The following GOLGA3 variants were observed in gnomAD, a reference collection of about 807,000 sequenced individuals.
GOLGA3 encodes golgin subfamily A member 3.
GOLGA3 carries 75 observed loss-of-function variants against 169.4 expected under a neutral mutation model. The ratio of observed to expected loss-of-function variants is 0.44; its 90% CI spans 0.37 to 0.54. The LOEUF (loss-of-function observed/expected upper bound fraction) is 0.54, where lower values mean the gene tolerates loss of function less well. Among genes scored for constraint, GOLGA3 ranks in the 20% least tolerant of loss-of-function variants. The pLI is 0.00. For missense variants in GOLGA3, 1,899 were observed against 1,930.0 expected, an observed-to-expected ratio of 0.98 and a Z score of 0.30; for synonymous variants, 824 against 822.4, an observed-to-expected ratio of 1.00 and a Z score of -0.03.
chr12:132,781,673 G>T (rs192414532), intron 17 of GOLGA3, among the ~76,000 whole-genome samples: 1 of 152,246 alleles, frequency 6.6e-6, no homozygotes, highest in Non-Finnish European at 1.5e-5. Flanking sequence ...GCAAAATATG[G>T]AACTAAGATG....
At chr12:132,800,718 TG>T in intron 8 of GOLGA3, among the ~76,000 whole-genome samples, 1 of 152,174 alleles carries the variant, frequency 6.6e-6, no homozygotes, top group Admixed American at 6.5e-5. Flanking sequence ...CCCAACACTT[TG>T]GGAGGCTGAG....
At position 132,777,183 on chromosome 12, in the gene GOLGA3, G is replaced by C. The variant is rs72624271; in HGVS notation, c.3723-93C>G. On this transcript the variant is annotated intron_variant, in intron 19 of 23. Coordinates refer to ENST00000450791, the MANE Select transcript of GOLGA3 (RefSeq NM_001389683.1). This position sits in a 1 kb window ranked among gnomAD's most constrained non-coding sequence, Gnocchi z 4.7. ...GAAATGCTGCCTGTGGAAGGCGTTC[G>C]TCCTGGCAGGCCCTCTGCTGTGCAC... is the stretch of plus-strand genomic sequence containing the variant. The C allele has an allele frequency of 1.9e-3, 2,583 of 1,369,362 alleles. 49 individuals are homozygous for C. In the East Asian group the frequency reaches 0.05, roughly 27 times the overall value. 84.8% of individuals were successfully genotyped at this position (1,369,362 alleles called of 1,614,324 possible). A position where few individuals can be genotyped will look rare whatever the true frequency, so the allele number is the denominator to read the frequency against.
In GOLGA3 at chr12:132,815,491, T is replaced by C. The variant is rs141509506; in HGVS notation, c.406+1049A>G. On this transcript the variant is annotated intron_variant, in intron 3 of 23. Transcript: ENST00000450791. ...TTTACATGCTACTTCTCAACTTAAA[T>C]GCTGGCAGTGAGTTTTCAGAATTGT... 2.2e-3 allele frequency among the ~76,000 whole-genome samples: 331 copies of C among 152,390 alleles called. 3 individuals are homozygous for C. Among genetic ancestry groups the C allele is most frequent in the African/African-American group, 7.6e-3 (316 of 41,596 alleles).
Position 132,805,038 on chromosome 12 carries a change from C to A in GOLGA3, c.1291-16G>T, listed in dbSNP as rs1231374213. On this transcript the variant is annotated splice_polypyrimidine_tract_variant and intron_variant, in intron 6 of 23. Coordinates refer to ENST00000450791, the MANE Select transcript of GOLGA3 (RefSeq NM_001389683.1). ...CTTTAAGTGCCTGAAAAGATCCCAA[C>A]AACCACAATGATTTTAAGAAAACGA... The A allele has an allele frequency of 9.4e-6, 15 of 1,599,142 alleles. No homozygotes were observed. Among genetic ancestry groups the A allele is most frequent in the Non-Finnish European group, 1.3e-5 (15 of 1,176,064 alleles).
intron 7 of GOLGA3, among the ~76,000 whole-genome samples, chr12:132,803,774 C>T (rs997167452): frequency 6.6e-6 from 1 of 152,146 alleles, no homozygotes; most frequent in Non-Finnish European, 1.5e-5. Context: ...GGCGGACCGG[C>T]TCACATGGAG....
chr12:132,785,095 C>T (rs1593256756), intron 15 of GOLGA3, among the ~76,000 whole-genome samples: 1 of 152,306 alleles, frequency 6.6e-6, no homozygotes, highest in East Asian at 1.9e-4. Context: ...AGAAATTTGC[C>T]AAAAGTCACC....
intron 21 of GOLGA3, 83 bp downstream of exon 21, chr12:132,776,546 CACAGG>C (rs2045257065): frequency 2.0e-6 from 1 of 509,278 alleles, no homozygotes; most frequent in Non-Finnish European, 2.5e-6. Flanking sequence ...GCGCCTCACA[CACAGG>C]TACCCGCAGC....
Position 132,822,027 on chromosome 12 carries a change from C to T in GOLGA3, c.102G>A (p.Leu34=). The change falls in exon 2 of 24, where the codon CTG becomes CTA. Residue 34 remains leucine, a synonymous_variant. Transcript: ENST00000450791. ...CTTTGTCCTGCTGGTCAGGTGGCAC[C>T]AGTGGGCCCGGGGGCTTCAGTGGGG... The part of the protein sequence containing the change: ...PEAPLKPPGP[L]VPPDQQDKVQ... 2 of 1,609,798 alleles carry T rather than the reference C, an allele frequency of 1.2e-6. No homozygotes were observed. Among genetic ancestry groups the T allele is most frequent in the Non-Finnish European group, 1.7e-6 (2 of 1,178,298 alleles).
intron 4 of GOLGA3, among the ~76,000 whole-genome samples, chr12:132,810,106 G>C (rs558497605): frequency 6.6e-6 from 1 of 152,268 alleles, no homozygotes; most frequent in South Asian, 2.1e-4. Flanking sequence ...AAATGAGCCA[G>C]GCATGGTGGC....
chr12:132,815,206 T>C (rs963813922), intron 3 of GOLGA3, among the ~76,000 whole-genome samples: 1 of 152,230 alleles, frequency 6.6e-6, no homozygotes, highest in Non-Finnish European at 1.5e-5. Flanking sequence ...AGACCGTAAG[T>C]GGCAAATTCA....
At chr12:132,773,759 C>T (rs1306241780) in intron 23 of GOLGA3, among the ~76,000 whole-genome samples, 2 of 151,512 alleles carry the variant, frequency 1.3e-5, no homozygotes, top group African/African-American at 4.9e-5. Context: ...TGCGAGTCCC[C>T]CTCCCACTTT....
intron 12 of GOLGA3, among the ~76,000 whole-genome samples, chr12:132,790,566 G>T (rs2046173012): frequency 6.6e-6 from 1 of 152,058 alleles, no homozygotes; most frequent in South Asian, 2.1e-4. Context: ...ATTTTTCAAA[G>T]ACATTTTAAA....
intron 4 of GOLGA3, among the ~76,000 whole-genome samples, chr12:132,809,480 G>A (rs1202768775): frequency 2.1e-5 from 3 of 140,106 alleles, no homozygotes; most frequent in Non-Finnish European, 3.0e-5. Context: ...AGTGGGTGTT[G>A]TTCCTTGACA....
At chr12:132,815,118 GTA>G (rs1949899249) in intron 3 of GOLGA3, among the ~76,000 whole-genome samples, 1 of 152,232 alleles carries the variant, frequency 6.6e-6, no homozygotes. Flanking sequence ...CACTGTAAAT[GTA>G]CCATTATTAG....
At chr12:132,821,567 T>A (rs1950213792) in intron 2 of GOLGA3, among the ~76,000 whole-genome samples, 1 of 150,770 alleles carries the variant, frequency 6.6e-6, no homozygotes, top group African/African-American at 2.4e-5. Context: ...AAACATACTT[T>A]GGGCCGGGCA....
At chr12:132,796,783 AC>A in intron 9 of GOLGA3, 83 bp from the exon 10 acceptor site, 1 of 1,361,526 alleles carries the variant, frequency 7.3e-7, no homozygotes, top group Non-Finnish European at 1.0e-6. Flanking sequence ...CTGCAGAGAA[AC>A]CCACCGCCCT....
chr12:132,815,453 G>A (rs1260837034), intron 3 of GOLGA3, among the ~76,000 whole-genome samples: 1 of 152,200 alleles, frequency 6.6e-6, no homozygotes, highest in African/African-American at 2.4e-5. Flanking sequence ...AAAAAATCAG[G>A]AATCTAGACT....
At chr12:132,776,102 C>A (rs1431104473) in intron 21 of GOLGA3, among the ~76,000 whole-genome samples, 1 of 152,208 alleles carries the variant, frequency 6.6e-6, no homozygotes, top group African/African-American at 2.4e-5. Flanking sequence ...GGCACAGGAA[C>A]CAGGGGCTGC....
At position 132,796,577 on chromosome 12, in the gene GOLGA3, C is replaced by T. The variant is rs369321317; in HGVS notation, c.2062G>A (p.Ala688Thr). ...EGERERLQRM[A>T]DSAASLEQQL... ...TGCTCCAGGGATGCCGCCGAGTCCG[C>T]CATCCTCTGCAGCCGCTCCCTCTCA... Residue 688 changes from alanine (A) to threonine (T), a missense_variant, in exon 10 of 24, where the codon GCG (alanine) becomes ACG (threonine). Coordinates refer to ENST00000450791, the MANE Select transcript of GOLGA3 (RefSeq NM_001389683.1). The T allele has an allele frequency of 6.2e-7, 1 of 1,613,490 alleles. No individual in the cohort carries two copies. Among genetic ancestry groups the T allele is most frequent in the African/African-American group, 1.3e-5 (1 of 75,054 alleles).
Sources: gnomAD v4.1 joint callset for allele counts (sites outside exome capture counted in the v4.1 genomes callset) on GRCh38, gnomAD v4.1.1 for gene constraint, Gnocchi (gnomAD v3.1) non-coding constraint, MANE v1.5 for transcripts, NCBI Gene and HGNC (gene_info 2026-07-23, HGNC 2026-07-21) for gene names.